PCDH15: variants seen among roughly 807,000 people sequenced by gnomAD.
PCDH15 encodes the protein protocadherin related 15.
A neutral mutation model predicts 178.5 loss-of-function variants in PCDH15; 129 were observed. The ratio of observed to expected loss-of-function variants is 0.72; its 90% CI spans 0.63 to 0.84. The LOEUF (loss-of-function observed/expected upper bound fraction) is 0.84. Among genes scored for constraint, PCDH15 ranks in the 40% least tolerant of loss-of-function variants. The probability of loss-of-function intolerance (pLI) is 0.00; values close to 1 mark genes in which losing one functional copy is unlikely to be tolerated. For synonymous variants in PCDH15, 800 were observed against 732.0 expected (o/e 1.09, Z -1.50); for missense variants, 2,230 against 2,099.9 (o/e 1.06, Z -1.21).
At chr10:55,298,141 G>C (rs1279749702) in intron 1 of PCDH15, among the ~76,000 whole-genome samples, 1 of 152,162 alleles carries the variant, frequency 6.6e-6, no homozygotes, top group Non-Finnish European at 1.5e-5. Flanking sequence ...CATTGGATTA[G>C]AGAAAAAGCC....
rs777638477 is a variant in PCDH15, at chr10:54,023,201, T to G, written c.2221-4A>C. On this transcript the variant is annotated splice_polypyrimidine_tract_variant and splice_region_variant and intron_variant, in intron 18 of 37. Coordinates refer to ENST00000644397, the MANE Select transcript of PCDH15 (RefSeq NM_001384140.1). Reference sequence around the variant, plus strand: ...TTCCAGCATCAGGGTCTGTTGCCTATTAAATAAAACAAAAAAACAAAAAAA... The same window carrying G: ...TTCCAGCATCAGGGTCTGTTGCCTAGTAAATAAAACAAAAAAACAAAAAAA... 8 of 1,612,338 alleles carry G rather than the reference T, an allele frequency of 5.0e-6. No individual in the cohort carries two copies. Among genetic ancestry groups the G allele is most frequent in the Non-Finnish European group, 6.8e-6 (8 of 1,179,638 alleles).
chr10:55,549,732 T>C (rs1841966148), intron 2 of PCDH15, among the ~76,000 whole-genome samples: 1 of 152,182 alleles, frequency 6.6e-6, no homozygotes, highest in Non-Finnish European at 1.5e-5. Context: ...TTTCCTGCCT[T>C]AAGTCTCTAA....
At chr10:54,797,001 C>T (rs1178710803) in intron 1 of PCDH15, among the ~76,000 whole-genome samples, 2 of 151,984 alleles carry the variant, frequency 1.3e-5, no homozygotes, top group East Asian at 3.9e-4. Flanking sequence ...ATTCTGACAC[C>T]TCCATGAAAA....
chr10:54,314,803 C>T (rs1454189895), intron 8 of PCDH15, among the ~76,000 whole-genome samples: 2 of 152,056 alleles, frequency 1.3e-5, no homozygotes, highest in Non-Finnish European at 2.9e-5. Context: ...TTTTCTGTTC[C>T]TGTGTTAGTT....
At chr10:53,938,259 C>G (rs1194971104) in intron 25 of PCDH15, among the ~76,000 whole-genome samples, 2 of 151,880 alleles carry the variant, frequency 1.3e-5, no homozygotes, top group Non-Finnish European at 2.9e-5. Context: ...AAAAAATAAC[C>G]TTTTTAATTA....
intron 2 of PCDH15, among the ~76,000 whole-genome samples, chr10:54,900,333 G>T (rs1954618783): frequency 1.3e-5 from 2 of 152,106 alleles, no homozygotes; most frequent in South Asian, 2.1e-4. Flanking sequence ...GTAAAAAAAA[G>T]AAGGTTGTGA....
intron 2 of PCDH15, among the ~76,000 whole-genome samples, chr10:54,574,620 G>GA (rs1448361538): frequency 7.1e-6 from 1 of 140,416 alleles, no homozygotes; most frequent in Non-Finnish European, 1.6e-5. Flanking sequence ...ACACCATTTA[G>GA]AATGGCAATC....
At chr10:54,956,306 A>G (rs1838484601) in intron 2 of PCDH15, among the ~76,000 whole-genome samples, 1 of 151,546 alleles carries the variant, frequency 6.6e-6, no homozygotes. Context: ...TATATCACAT[A>G]TTTTGAGAAT....
chr10:54,961,993 C>T (rs1220493149), intron 2 of PCDH15, among the ~76,000 whole-genome samples: 1 of 152,228 alleles, frequency 6.6e-6, no homozygotes, highest in Non-Finnish European at 1.5e-5. Context: ...TACCTTGGGT[C>T]TCCTCTCTGA....
At position 54,563,314 on chromosome 10, in the gene PCDH15, G is replaced by T. The variant is rs190824229; in HGVS notation, c.92-35437C>A. The stretch of plus-strand genomic sequence containing the variant: ...CAGATTAGCAATCCAAGGGCCTGGG[G>T]AACTTCCGCTTTTTTAGCGCTTTTC... On this transcript the variant is annotated intron_variant, in intron 2 of 37. Transcript: ENST00000644397. Among the ~76,000 whole-genome samples the T allele has an allele frequency of 7.2e-5, 11 of 152,254 alleles. No individual in the cohort carries two copies. In the East Asian group the frequency reaches 1.5e-3, roughly 21 times the overall value.
chr10:55,127,652 A>G (rs981464731), intron 2 of PCDH15, among the ~76,000 whole-genome samples: 1 of 152,122 alleles, frequency 6.6e-6, no homozygotes, highest in Non-Finnish European at 1.5e-5. Context: ...CTGAATTTAC[A>G]GTGTAGATAT....
At chr10:54,988,155 C>T (rs1358380475) in intron 2 of PCDH15, among the ~76,000 whole-genome samples, 3 of 152,050 alleles carry the variant, frequency 2.0e-5, no homozygotes, top group Admixed American at 1.3e-4. Flanking sequence ...TCAGGTTTGT[C>T]GAAGATCAGA....
chr10:55,364,748 G>C (rs574977935), intron 2 of PCDH15, among the ~76,000 whole-genome samples: 2 of 151,978 alleles, frequency 1.3e-5, no homozygotes, highest in Non-Finnish European at 2.9e-5. Flanking sequence ...TCCTAAAGTT[G>C]TGCTAAATTT....
intron 3 of PCDH15, among the ~76,000 whole-genome samples, chr10:54,392,715 A>G (rs769253672): frequency 6.6e-6 from 1 of 151,772 alleles, no homozygotes; most frequent in East Asian, 2.0e-4. Flanking sequence ...CCTGGCCAAC[A>G]TAGTGAAACC....
At chr10:54,393,859 T>G (rs867448750) in intron 3 of PCDH15, among the ~76,000 whole-genome samples, 3 of 152,156 alleles carry the variant, frequency 2.0e-5, no homozygotes, top group African/African-American at 7.2e-5. Flanking sequence ...ATAATGCACA[T>G]GTCATTTCCA....
At chr10:54,941,406 T>A (rs1386957620) in intron 2 of PCDH15, among the ~76,000 whole-genome samples, 3 of 152,098 alleles carry the variant, frequency 2.0e-5, no homozygotes, top group Non-Finnish European at 2.9e-5. Context: ...ACATCTGTAC[T>A]TTTCAATTCC....
At chr10:54,530,981 T>G (rs2083852273) in intron 2 of PCDH15, among the ~76,000 whole-genome samples, 1 of 152,170 alleles carries the variant, frequency 6.6e-6, no homozygotes, top group Non-Finnish European at 1.5e-5. Context: ...TTTAGAATTG[T>G]CTTGGAAAGA....
At chr10:54,869,147 T>C (rs1220406298) in intron 3 of PCDH15, 1 of 152,100 alleles carries the variant, frequency 6.6e-6, no homozygotes, top group Non-Finnish European at 1.5e-5. Context: ...CACCAATGAC[T>C]GAGGTTCTTA....
chr10:54,549,950 G>C (rs530371744), intron 2 of PCDH15, among the ~76,000 whole-genome samples: 1 of 151,770 alleles, frequency 6.6e-6, no homozygotes, highest in African/African-American at 2.4e-5. Context: ...GTGTATTTTT[G>C]CCTTAATGCT....
Sources: gnomAD v4.1 joint callset for allele counts (sites outside exome capture counted in the v4.1 genomes callset) on GRCh38, gnomAD v4.1.1 for gene constraint, MANE v1.5 for transcripts, NCBI Gene and HGNC (gene_info 2026-07-23, HGNC 2026-07-21) for gene names.